Variants in NAPB observed in about 807,000 individuals in gnomAD.
The protein encoded by NAPB is beta-soluble NSF attachment protein.
A neutral mutation model predicts 44.7 loss-of-function variants in NAPB; 26 were observed. The ratio of observed to expected loss-of-function variants is 0.58; its 90% CI spans 0.43 to 0.81. NAPB has a LOEUF of 0.81. Ranked by LOEUF, NAPB falls within the 30% of genes least tolerant of loss-of-function variation. NAPB has a pLI of 0.00. For synonymous variants in NAPB, 120 were observed against 116.8 expected, an observed-to-expected ratio of 1.03 and a Z score of -0.18; for missense variants, 315 against 356.4, an observed-to-expected ratio of 0.88 and a Z score of 0.94.
chr20:23,410,948 C>G (rs895598792), intron 1 of NAPB, among the ~76,000 whole-genome samples: 8 of 152,006 alleles, frequency 5.3e-5, no homozygotes, highest in African/African-American at 1.9e-4. Flanking sequence ...AATAAAAAGA[C>G]AAAATGATCT....
intron 10 of NAPB, among the ~76,000 whole-genome samples, chr20:23,378,640 C>T (rs929124520): frequency 1.6e-4 from 24 of 149,888 alleles, no homozygotes; most frequent in African/African-American, 5.4e-4. Flanking sequence ...TGGTGTTTTG[C>T]CATGTTGGCC....
chr20:23,420,766 A>AG (rs1359790475), intron 1 of NAPB, among the ~76,000 whole-genome samples: 3 of 150,356 alleles, frequency 2.0e-5, no homozygotes, highest in African/African-American at 4.9e-5. Flanking sequence ...GGCCAGGGCG[A>AG]GGGGGGCGAT....
chr20:23,377,299 GGC>G lies in NAPB; in HGVS notation c.*75_*76del. The G allele has an allele frequency of 1.2e-6, 1 of 852,088 alleles. No homozygotes were observed. 52.8% of individuals were successfully genotyped at this position (852,088 alleles called of 1,614,324 possible). On this transcript the variant is annotated 3_prime_UTR_variant, in exon 11 of 11. Coordinates refer to ENST00000377026, the MANE Select transcript of NAPB (RefSeq NM_022080.3). ...TGCAACAAAATTAAGCCATTAAATA[GGC>G]ATCCCATAAAGATCACTTGACCCTA...
chr20:23,390,951 A>G (rs1418879113), intron 5 of NAPB, among the ~76,000 whole-genome samples: 1 of 152,214 alleles, frequency 6.6e-6, no homozygotes, highest in Non-Finnish European at 1.5e-5. Flanking sequence ...ATCACAGGCC[A>G]GAAAGCTAGA....
At chr20:23,393,250 A>G (rs1425703156) in intron 5 of NAPB, among the ~76,000 whole-genome samples, 1 of 152,192 alleles carries the variant, frequency 6.6e-6, no homozygotes, top group Non-Finnish European at 1.5e-5. Context: ...GTCAATGCAC[A>G]GGGTGGCCCT....
intron 2 of NAPB, among the ~76,000 whole-genome samples, chr20:23,399,368 G>C (rs1984651003): frequency 6.6e-6 from 1 of 152,064 alleles, no homozygotes; most frequent in South Asian, 2.1e-4. Flanking sequence ...CCTTATAAAA[G>C]AGGTTGAAGA....
chr20:23,387,795 T>G (rs568381766), intron 7 of NAPB, among the ~76,000 whole-genome samples: 6 of 152,220 alleles, frequency 3.9e-5, no homozygotes, highest in Admixed American at 2.0e-4. Flanking sequence ...CTTAGTATTG[T>G]TAAGATGGCA....
chr20:23,380,559 G>A (rs1982916515), intron 8 of NAPB: 1 of 145,682 alleles, frequency 6.9e-6, no homozygotes, highest in Non-Finnish European at 1.5e-5. Flanking sequence ...CTCTTACTCT[G>A]TCACCCAGGC....
At chr20:23,384,890 C>T (rs1403951913) in intron 7 of NAPB, among the ~76,000 whole-genome samples, 2 of 152,028 alleles carry the variant, frequency 1.3e-5, no homozygotes, top group African/African-American at 2.4e-5. Flanking sequence ...GAGGCCAAGG[C>T]GGGTGTATCA....
chr20:23,401,795 C>T (rs1185425167), intron 2 of NAPB, among the ~76,000 whole-genome samples: 2 of 152,160 alleles, frequency 1.3e-5, no homozygotes, highest in Admixed American at 6.5e-5. Flanking sequence ...GCATAAGAAT[C>T]GCTTGAGCCC....
At chr20:23,405,365 G>C (rs1317489005) in intron 1 of NAPB, among the ~76,000 whole-genome samples, 1 of 152,126 alleles carries the variant, frequency 6.6e-6, no homozygotes, top group Non-Finnish European at 1.5e-5. Context: ...GATAAAGAAA[G>C]AGAGAAAACG....
chr20:23,376,861 C>T lies in NAPB; in HGVS notation c.*515G>A, dbSNP rs1982561735. Reference sequence around the variant, plus strand: ...CGGAACAACACAAAAAGCAAAGAAACTAGTCACTAGCACCATCAAAATAAT... The same window carrying T: ...CGGAACAACACAAAAAGCAAAGAAATTAGTCACTAGCACCATCAAAATAAT... On this transcript the variant is annotated 3_prime_UTR_variant, in exon 11 of 11. Coordinates refer to ENST00000377026, the MANE Select transcript of NAPB (RefSeq NM_022080.3). The T allele has an allele frequency of 6.6e-6, 1 of 152,182 alleles. No individual in the cohort carries two copies. The highest frequency in any genetic ancestry group is 2.4e-5 in the African/African-American group (1 of 41,450). The allele number at this position is 152,182 out of a possible 1,614,324, so 9.4% of individuals were successfully genotyped here. A position where few individuals can be genotyped will look rare whatever the true frequency, so the allele number is the denominator to read the frequency against.
At chr20:23,398,587 T>C (rs1328917471) in intron 2 of NAPB, among the ~76,000 whole-genome samples, 11 of 152,100 alleles carry the variant, frequency 7.2e-5, no homozygotes, top group Admixed American at 3.3e-4. Flanking sequence ...AAGCCTATAA[T>C]CCCAGCACTT....
intron 1 of NAPB, among the ~76,000 whole-genome samples, chr20:23,417,930 A>G (rs935075258): frequency 3.3e-5 from 5 of 152,184 alleles, no homozygotes; most frequent in Non-Finnish European, 7.3e-5. Context: ...GCATATTTTC[A>G]TCTAATTTTA....
At chr20:23,384,643 A>G (rs774315664) in intron 7 of NAPB, among the ~76,000 whole-genome samples, 7 of 152,150 alleles carry the variant, frequency 4.6e-5, no homozygotes, top group Non-Finnish European at 1.0e-4. Context: ...AAGAAAGAAA[A>G]AAAAGAAAAG....
intron 10 of NAPB, 149 bp from the exon 11 acceptor site, chr20:23,377,635 C>T (rs1396618448): frequency 7.1e-6 from 3 of 420,176 alleles, no homozygotes; most frequent in African/African-American, 4.1e-5. Context: ...TTATAACTTT[C>T]TTCATTAAAA....
chr20:23,379,705 T>C (rs1272712595), intron 9 of NAPB, 162 bp downstream of exon 9: 4 of 669,110 alleles, frequency 6.0e-6, no homozygotes, highest in Non-Finnish European at 1.0e-5. Context: ...GTTTCTGACC[T>C]TAATTGCATT....
At chr20:23,395,313 G>T (rs1041439649) in intron 3 of NAPB, 128 bp from the exon 4 acceptor site, 24 of 904,276 alleles carry the variant, frequency 2.7e-5, no homozygotes, top group Non-Finnish European at 3.7e-5. Flanking sequence ...GGGTGGGCAG[G>T]TTAATGAGAA....
At chr20:23,392,574 G>A (rs1449369966) in intron 5 of NAPB, among the ~76,000 whole-genome samples, 2 of 152,184 alleles carry the variant, frequency 1.3e-5, no homozygotes, top group South Asian at 2.1e-4. Flanking sequence ...GCTGAGGTGG[G>A]AGGATCGCTT....
Sources: gnomAD v4.1 joint callset for allele counts (sites outside exome capture counted in the v4.1 genomes callset) on GRCh38, gnomAD v4.1.1 for gene constraint, MANE v1.5 for transcripts, NCBI Gene and HGNC (gene_info 2026-07-23, HGNC 2026-07-21) for gene names.